The following BMP7 variants were observed in gnomAD, a reference collection of about 807,000 sequenced individuals.
BMP7 encodes osteogenic protein 1.
BMP7 carries 12 observed loss-of-function variants against 41.2 expected under a neutral mutation model. The ratio of observed to expected loss-of-function variants is 0.29; its 90% CI spans 0.19 to 0.47. BMP7 has a LOEUF of 0.47. Among genes scored for constraint, BMP7 ranks in the 20% least tolerant of loss-of-function variants. The pLI is 0.99. For missense variants in BMP7, 467 were observed against 606.0 expected (o/e 0.77, Z 2.41); for synonymous variants, 248 against 250.0 (o/e 0.99, Z 0.07).
Position 57,230,076 on chromosome 20 carries a change from C to A in BMP7, c.419-1655G>T, listed in dbSNP as rs554186675. On this transcript the variant is annotated intron_variant, in intron 1 of 6. Coordinates refer to ENST00000395863, the MANE Select transcript of BMP7 (RefSeq NM_001719.3). ...AGACCTCGGGAAGATGACCTTTGAA[C>A]CACAGCTGCTAGAATCCTGGGCCAT... Among the ~76,000 whole-genome samples, 3 of 152,244 alleles carry A rather than the reference C, an allele frequency of 2.0e-5. No individual in the cohort carries two copies. The South Asian group carries it at 6.2e-4, about 32-fold the overall frequency.
chr20:57,241,836 T>A (rs1027831459), intron 1 of BMP7, among the ~76,000 whole-genome samples: 3 of 152,164 alleles, frequency 2.0e-5, no homozygotes, highest in African/African-American at 7.2e-5. Context: ...AACAATGTTA[T>A]CATTGTGAAT....
intron 3 of BMP7, among the ~76,000 whole-genome samples, chr20:57,193,495 C>T (rs984506248): frequency 3.9e-5 from 6 of 152,244 alleles, no homozygotes; most frequent in Non-Finnish European, 8.8e-5. Flanking sequence ...TCTGGCAAGA[C>T]ACTGACCCAC....
At chr20:57,236,507 G>A (rs185274926) in intron 1 of BMP7, among the ~76,000 whole-genome samples, 1 of 152,320 alleles carries the variant, frequency 6.6e-6, no homozygotes, top group East Asian at 1.9e-4. Context: ...CACGAAAAAT[G>A]CATTTATGAT....
At chr20:57,190,900 G>T (rs1600733326) in intron 3 of BMP7, among the ~76,000 whole-genome samples, 2 of 152,304 alleles carry the variant, frequency 1.3e-5, no homozygotes, top group East Asian at 3.9e-4. Flanking sequence ...AGCGCAGTGG[G>T]CATCGGGGCT....
chr20:57,173,125 G>T, intron 6 of BMP7, 75 bp downstream of exon 6: 2 of 1,452,256 alleles, frequency 1.4e-6, no homozygotes, highest in Non-Finnish European at 1.9e-6. Context: ...GCCCCAGCTT[G>T]GAGGCAGCAG....
intron 3 of BMP7, among the ~76,000 whole-genome samples, chr20:57,195,465 G>A (rs960984466): frequency 2.6e-5 from 4 of 152,252 alleles, no homozygotes; most frequent in South Asian, 2.1e-4. Flanking sequence ...CATTCTTGCC[G>A]TCCCAGCCCT....
rs141716429 is a variant in BMP7 at position 57,183,796 on chromosome 20, C to T, written c.884G>A (p.Gly295Glu). 3.7e-6 allele frequency: 6 copies of T among 1,614,080 alleles called. No homozygotes were observed. The highest frequency in any genetic ancestry group is 1.1e-5 in the South Asian group (1 of 91,092). Reference sequence around the variant, plus strand: ...GCGGTTCTGGCTGCGCTGTTTGCTCCCCGTGGACCGGATGCTGCGGAAGTG... The same window carrying T: ...GCGGTTCTGGCTGCGCTGTTTGCTCTCCGTGGACCGGATGCTGCGGAAGTG... ...EVHFRSIRST[G>E]SKQRSQNRSK... The change falls in exon 4 of 7, where the codon GGG (glycine) becomes GAG (glutamate). Residue 295 changes from glycine to glutamate, a missense_variant. Around this residue, in one of 2 missense-constraint regions of BMP7, gnomAD observed 407 missense variants for 485.9 expected, o/e 0.84. Transcript: ENST00000395863.
intron 2 of BMP7, among the ~76,000 whole-genome samples, chr20:57,210,511 C>T (rs1342379348): frequency 6.6e-6 from 1 of 152,320 alleles, no homozygotes; most frequent in Non-Finnish European, 1.5e-5. Context: ...ACCCACCACC[C>T]GCCTCCCAGG....
intron 1 of BMP7, among the ~76,000 whole-genome samples, chr20:57,243,289 G>A (rs1194879593): frequency 6.6e-6 from 1 of 152,122 alleles, no homozygotes; most frequent in Non-Finnish European, 1.5e-5. Context: ...GACCAGCCTG[G>A]CTAATATGCC....
intron 3 of BMP7, among the ~76,000 whole-genome samples, chr20:57,191,311 G>T (rs979744083): frequency 1.3e-5 from 2 of 152,066 alleles, no homozygotes; most frequent in African/African-American, 4.8e-5. Context: ...CAAGACAGGC[G>T]CAGGCTCTGG....
intron 1 of BMP7, among the ~76,000 whole-genome samples, chr20:57,258,391 A>G (rs2066142011): frequency 6.6e-6 from 1 of 152,200 alleles, no homozygotes; most frequent in South Asian, 2.1e-4. Context: ...CACCTGCTCC[A>G]ATAAAAAGTG....
chr20:57,198,766 C>T (rs975745551), intron 3 of BMP7, among the ~76,000 whole-genome samples: 23 of 152,150 alleles, frequency 1.5e-4, no homozygotes, highest in Non-Finnish European at 2.6e-4. Context: ...CACTGGCAGG[C>T]AGGGGCTCAT....
chr20:57,234,658 G>A (rs1026774362), intron 1 of BMP7, among the ~76,000 whole-genome samples: 3 of 149,976 alleles, frequency 2.0e-5, no homozygotes, highest in African/African-American at 7.4e-5. Flanking sequence ...ACTCCCAGTA[G>A]CTGTGTTCTC....
At chr20:57,222,581 C>T (rs1278029072) in intron 2 of BMP7, among the ~76,000 whole-genome samples, 3 of 152,006 alleles carry the variant, frequency 2.0e-5, no homozygotes, top group East Asian at 1.9e-4. Flanking sequence ...AAAGGGACTG[C>T]GAGGAAAAAT....
intron 1 of BMP7, among the ~76,000 whole-genome samples, chr20:57,242,408 T>C (rs912478704): frequency 1.3e-5 from 2 of 152,218 alleles, no homozygotes; most frequent in African/African-American, 4.8e-5. Context: ...ATCTGAGCTG[T>C]GAGCTGGCTG....
chr20:57,228,528 C>A lies in BMP7; in HGVS notation c.419-107G>T. 2 of 1,365,080 alleles carry A rather than the reference C, an allele frequency of 1.5e-6. No individual in the cohort carries two copies. The highest frequency in any genetic ancestry group is 2.1e-6 in the Non-Finnish European group (2 of 959,052). 84.6% of individuals were successfully genotyped at this position (1,365,080 alleles called of 1,614,324 possible). A position where few individuals can be genotyped will look rare whatever the true frequency, so the allele number is the denominator to read the frequency against. On this transcript the variant is annotated intron_variant, in intron 1 of 6. Coordinates refer to ENST00000395863, the MANE Select transcript of BMP7 (RefSeq NM_001719.3). This position sits in a 1 kb window ranked among gnomAD's most constrained non-coding sequence, Gnocchi z 4.5. ...CTTGCCTAAGCTAGATGGAGGCATG[C>A]CCATTGCCAGTGACCCCAGTGACAA...
rs148072034 is a variant in BMP7 at position 57,198,092 on chromosome 20, C to A, written c.760+4383G>T. On this transcript the variant is annotated intron_variant, in intron 3 of 6. Coordinates refer to ENST00000395863, the MANE Select transcript of BMP7 (RefSeq NM_001719.3). ...CCCTCCTCTCCTCTCGCTCTCCTCT[C>A]CCCCTTCTCTCCTCTTGCTCTCCTC... Among the ~76,000 whole-genome samples the A allele has an allele frequency of 3.3e-4, 46 of 140,902 alleles. 2 individuals are homozygous for A. In the East Asian group the frequency reaches 8.8e-3, roughly 27 times the overall value. The allele number at this position is 140,902 out of a possible 152,430, so 92.4% of individuals were successfully genotyped here.
chr20:57,181,497 A>C (rs1196845631), intron 4 of BMP7, among the ~76,000 whole-genome samples: 1 of 2,692 alleles, frequency 3.7e-4, no homozygotes, highest in Non-Finnish European at 0.25. Flanking sequence ...CCCTGTCTCT[A>C]AAAAAAAAAA....
In BMP7 at chr20:57,235,885, T is replaced by C. The variant is rs534148376; in HGVS notation, c.419-7464A>G. Reference sequence around the variant, plus strand: ...ACCAGATCTATTTTAGATAGAGGACTGGTGACCCTGTGGAAAGTGGATTAT... The same window carrying C: ...ACCAGATCTATTTTAGATAGAGGACCGGTGACCCTGTGGAAAGTGGATTAT... On this transcript the variant is annotated intron_variant, in intron 1 of 6. Transcript: ENST00000395863. Among the ~76,000 whole-genome samples, 4 of 152,308 alleles carry C rather than the reference T, an allele frequency of 2.6e-5. No homozygotes were observed. The East Asian group carries it at 5.8e-4, about 22-fold the overall frequency.
Sources: gnomAD v4.1 joint callset for allele counts (sites outside exome capture counted in the v4.1 genomes callset) on GRCh38, gnomAD v4.1.1 for gene constraint, gnomAD v4.1.1 regional missense constraint, Gnocchi (gnomAD v3.1) non-coding constraint, MANE v1.5 for transcripts, NCBI Gene and HGNC (gene_info 2026-07-23, HGNC 2026-07-21) for gene names.